The following MCPH1 variants were observed in gnomAD, a reference collection of about 807,000 sequenced individuals.
The protein encoded by MCPH1 is microcephalin 1, also known as microcephalin.
In MCPH1, 104 loss-of-function variants were observed where a neutral mutation model predicts 84.5. The ratio of observed to expected loss-of-function variants is 1.23; its 90% confidence interval spans 1.05 to 1.45. The LOEUF is 1.45. Among genes scored for constraint, MCPH1 ranks in the 40% most tolerant of loss-of-function variants. MCPH1 has a pLI of 0.00. For synonymous variants in MCPH1, 514 were observed against 366.8 expected, an observed-to-expected ratio of 1.40 and a Z score of -4.58; for missense variants, 1,498 against 1,005.7, an observed-to-expected ratio of 1.49 and a Z score of -6.62.
At chr8:6,560,948 C>T (rs953579920) in intron 12 of MCPH1, among the ~76,000 whole-genome samples, 4 of 152,200 alleles carry the variant, frequency 2.6e-5, no homozygotes, top group African/African-American at 9.7e-5. Context: ...ACCTGCCTGT[C>T]GGGCAGATTA....
rs1349555392 is a variant in MCPH1, at chr8:6,480,887, T to C, written c.2136+11T>C. Reference sequence around the variant, plus strand: ...CTCTCTTATGATTGGGTAAGCCCTGTGTGTGAACTGCGTATTTTAAAACAA... The same window carrying C: ...CTCTCTTATGATTGGGTAAGCCCTGCGTGTGAACTGCGTATTTTAAAACAA... On this transcript the variant is annotated intron_variant, in intron 11 of 13. Transcript: ENST00000344683. 6.8e-6 allele frequency: 11 copies of C among 1,613,392 alleles called. No individual in the cohort carries two copies. The highest frequency in any genetic ancestry group is 5.5e-5 in the South Asian group (5 of 91,086).
At chr8:6,431,439 G>A (rs1328506875) in intron 3 of MCPH1, 60 bp from the exon 4 acceptor site, 1 of 1,240,110 alleles carries the variant, frequency 8.1e-7, no homozygotes, top group Non-Finnish European at 1.2e-6. Flanking sequence ...CAGATTTAGT[G>A]CTGTGTCAAT....
At chr8:6,424,878 C>T (rs1462311236) in intron 3 of MCPH1, among the ~76,000 whole-genome samples, 2 of 152,212 alleles carry the variant, frequency 1.3e-5, no homozygotes, top group South Asian at 2.1e-4. Flanking sequence ...TAGCGTGCTT[C>T]GCGGCTGGAA....
chr8:6,439,380 A>T (rs1187453035), intron 6 of MCPH1, among the ~76,000 whole-genome samples: 1 of 150,764 alleles, frequency 6.6e-6, no homozygotes, highest in Non-Finnish European at 1.5e-5. Flanking sequence ...TTTAAAAAAA[A>T]ATGAATCATG....
chr8:6,423,961 A>G (rs1800659738), intron 3 of MCPH1, among the ~76,000 whole-genome samples: 1 of 152,208 alleles, frequency 6.6e-6, no homozygotes, highest in Non-Finnish European at 1.5e-5. Flanking sequence ...GCATAGAGAT[A>G]AGAGCCAAAC....
intron 4 of MCPH1, among the ~76,000 whole-genome samples, chr8:6,433,296 T>C (rs1375368925): frequency 1.3e-5 from 2 of 152,148 alleles, no homozygotes; most frequent in Non-Finnish European, 2.9e-5. Flanking sequence ...TAAGAATACA[T>C]ACACATTTTG....
At chr8:6,605,676 T>C (rs1409248473) in intron 12 of MCPH1, among the ~76,000 whole-genome samples, 1 of 151,470 alleles carries the variant, frequency 6.6e-6, no homozygotes, top group South Asian at 2.1e-4. Context: ...TTTTAAGTTC[T>C]GTGAATCACA....
At chr8:6,563,479 C>G (rs1479209541) in intron 12 of MCPH1, 1 of 152,562 alleles carries the variant, frequency 6.6e-6, no homozygotes, top group Non-Finnish European at 1.5e-5. Flanking sequence ...TCCTAGGCAC[C>G]ACCCCAATTA....
chr8:6,468,665 A>G (rs533496278), intron 9 of MCPH1, among the ~76,000 whole-genome samples: 2 of 125,580 alleles, frequency 1.6e-5, no homozygotes, highest in Admixed American at 8.1e-5. Flanking sequence ...TTTTTTTGCT[A>G]TGAAAATTAG....
Position 6,504,469 on chromosome 8 carries a change from T to G in MCPH1, c.2214+4540T>G, listed in dbSNP as rs200737195. Among the ~76,000 whole-genome samples, 215 of 152,290 alleles carry G rather than the reference T, an allele frequency of 1.4e-3. 2 individuals carry two copies. The highest frequency in any genetic ancestry group is 1.5e-3 in the East Asian group (8 of 5,184). On this transcript the variant is annotated intron_variant, in intron 12 of 13. Coordinates refer to ENST00000344683, the MANE Select transcript of MCPH1 (RefSeq NM_024596.5). ...TCCACGCTGTCTACATCCGGTCTCCTGATCACTTAGTAGCTGTCTTGGTTA... is the reference window on the plus strand; with the variant it reads ...TCCACGCTGTCTACATCCGGTCTCCGGATCACTTAGTAGCTGTCTTGGTTA...
At chr8:6,469,989 C>T (rs892572983) in intron 9 of MCPH1, among the ~76,000 whole-genome samples, 4 of 152,122 alleles carry the variant, frequency 2.6e-5, no homozygotes, top group African/African-American at 4.8e-5. Flanking sequence ...CCTTTGGATG[C>T]GCCTAACTGT....
chr8:6,575,710 T>C (rs1441700143), intron 12 of MCPH1, among the ~76,000 whole-genome samples: 5 of 152,198 alleles, frequency 3.3e-5, no homozygotes, highest in African/African-American at 1.2e-4. Flanking sequence ...AGGGTCATAC[T>C]GGAGTGGAGT....
chr8:6,470,995 A>T (rs1473087623), intron 9 of MCPH1, among the ~76,000 whole-genome samples: 1 of 152,336 alleles, frequency 6.6e-6, no homozygotes, highest in African/African-American at 2.4e-5. Context: ...AAATTTCCTT[A>T]CAATGGAGGC....
At chr8:6,566,501 G>A (rs1433831310) in intron 12 of MCPH1, among the ~76,000 whole-genome samples, 1 of 152,248 alleles carries the variant, frequency 6.6e-6, no homozygotes, top group Non-Finnish European at 1.5e-5. Flanking sequence ...GCAAGGCCAT[G>A]GAGAGTGCAC....
rs192695826 is a variant in MCPH1, at chr8:6,569,591, C to G, written c.2215-51863C>G. Among the ~76,000 whole-genome samples, 9 of 152,300 alleles carry G rather than the reference C, an allele frequency of 5.9e-5. No homozygotes were observed. The East Asian group carries it at 1.5e-3, about 26-fold the overall frequency. The stretch of plus-strand genomic sequence containing the variant: ...ACACACGTATAAACATGTAAGGTAG[C>G]TTTGGTCCCTATAACAGACAAGGAA... On this transcript the variant is annotated intron_variant, in intron 12 of 13. Transcript: ENST00000344683.
chr8:6,450,446 G>A (rs1804966346), intron 8 of MCPH1, among the ~76,000 whole-genome samples: 1 of 150,520 alleles, frequency 6.6e-6, no homozygotes, highest in African/African-American at 2.5e-5. Flanking sequence ...TGACCCTGTG[G>A]TTTATTATAG....
rs1429808359 is a variant in MCPH1 at position 6,643,820 on chromosome 8, G to C, written c.*771G>C. On this transcript the variant is annotated 3_prime_UTR_variant, in exon 14 of 14. Coordinates refer to ENST00000344683, the MANE Select transcript of MCPH1 (RefSeq NM_024596.5). ...GGGGGTGTTATACAGGATAATTGGT[G>C]ACATCTGAGTGTCTTACTTCTGCAA... 2 of 152,230 alleles carry C rather than the reference G, an allele frequency of 1.3e-5. No homozygotes were observed. The highest frequency in any genetic ancestry group is 1.5e-5 in the Non-Finnish European group (1 of 68,086). 9.4% of individuals were successfully genotyped at this position (152,230 alleles called of 1,614,324 possible). A position where few individuals can be genotyped will look rare whatever the true frequency, so the allele number is the denominator to read the frequency against.
intron 12 of MCPH1, chr8:6,513,839 A>G (rs1435387854): frequency 1.2e-6 from 2 of 1,603,548 alleles, no homozygotes; most frequent in Non-Finnish European, 1.7e-6. Context: ...AAGGGTTACC[A>G]AATCCCTGTA....
intron 12 of MCPH1, among the ~76,000 whole-genome samples, chr8:6,546,429 G>C (rs1002113749): frequency 6.6e-6 from 1 of 152,214 alleles, no homozygotes; most frequent in African/African-American, 2.4e-5. Context: ...GTAAAATGCA[G>C]GTGGCAGTGT....
Sources: allele counts gnomAD v4.1 joint callset (sites outside exome capture counted in the v4.1 genomes callset), GRCh38; gene constraint gnomAD v4.1.1; transcripts MANE v1.5; gene names NCBI Gene and HGNC (gene_info 2026-07-23, HGNC 2026-07-21).